The following SETD3 variants were observed in gnomAD, a reference collection of about 807,000 sequenced individuals.
SETD3 encodes SET domain containing 3, actin N3(tau)-histidine methyltransferase, also known as actin-histidine N-methyltransferase.
A neutral mutation model predicts 63.0 loss-of-function variants in SETD3; 19 were observed. The ratio of observed to expected loss-of-function variants is 0.30; its 90% CI spans 0.21 to 0.44. The LOEUF is 0.44. Among genes scored for constraint, SETD3 ranks in the 20% least tolerant of loss-of-function variants. The pLI is 1.00. For synonymous variants in SETD3, 286 were observed against 264.1 expected, an observed-to-expected ratio of 1.08 and a Z score of -0.80; for missense variants, 587 against 728.5, an observed-to-expected ratio of 0.81 and a Z score of 2.24.
chr14:99,404,231 T>A lies in SETD3; in HGVS notation c.1171A>T (p.Thr391Ser). 6.2e-7 allele frequency: 1 copy of A among 1,613,588 alleles called. No individual in the cohort carries two copies. Among genetic ancestry groups the A allele is most frequent in the South Asian group, 1.1e-5 (1 of 91,042 alleles). Residue 391 changes from threonine to serine, a missense_variant, in exon 11 of 13, where the codon ACT becomes TCT. Physicochemically the swap from Thr to Ser is moderately conservative, Grantham distance 58. Coordinates refer to ENST00000331768, the MANE Select transcript of SETD3 (RefSeq NM_032233.3). ...LLAFLRVFCMTEEELKEHLLG... is the reference protein window; with the variant it reads ...LLAFLRVFCMSEEELKEHLLG... ...TTTTCCTGAAATGACTTACCTTCAG[T>A]CATACAGAATACTCGGAGAAAAGCC... is the stretch of plus-strand genomic sequence containing the variant.
intron 11 of SETD3, among the ~76,000 whole-genome samples, chr14:99,403,465 T>TCTCTCTCTCTCTCTCTC (rs1172538994): frequency 7.3e-6 from 1 of 137,504 alleles, no homozygotes; most frequent in Non-Finnish European, 1.5e-5. Context: ...ACTCTCTCTC[T>TCTCTCTCTCTCTCTCTC]CTCTCTCTCT....
chr14:99,468,414 A>T (rs1321084524), intron 1 of SETD3, among the ~76,000 whole-genome samples: 1 of 152,154 alleles, frequency 6.6e-6, no homozygotes, highest in Admixed American at 6.5e-5. Context: ...GTAGGAAATC[A>T]CATTATTTAA....
intron 6 of SETD3, among the ~76,000 whole-genome samples, chr14:99,441,716 G>C (rs1377410614): frequency 6.6e-6 from 1 of 152,220 alleles, no homozygotes; most frequent in Non-Finnish European, 1.5e-5. Context: ...GTGGACTGCA[G>C]TGAGGGAGGA....
intron 2 of SETD3, 57 bp from the exon 3 acceptor site, chr14:99,463,635 G>A: frequency 7.3e-7 from 1 of 1,367,592 alleles, no homozygotes. Flanking sequence ...TAACCTACTA[G>A]TCTGCACAAG....
At position 99,412,945 on chromosome 14, in the gene SETD3, C is replaced by T. The variant is rs775308027; in HGVS notation, c.849+6G>A. On this transcript the variant is annotated splice_donor_region_variant and intron_variant, in intron 8 of 12. Transcript: ENST00000331768. ...TTCAACACAACACAGGGGAAGAGGT[C>T]GTTACCAGGCCGTTGGTGTGGTTAC... is the stretch of plus-strand genomic sequence containing the variant. 4.4e-6 allele frequency: 7 copies of T among 1,586,672 alleles called. No individual in the cohort carries two copies. Among genetic ancestry groups the T allele is most frequent in the South Asian group, 1.1e-5 (1 of 90,490 alleles).
chr14:99,417,560 C>G (rs1284028147), intron 6 of SETD3, among the ~76,000 whole-genome samples: 1 of 152,224 alleles, frequency 6.6e-6, no homozygotes, highest in African/African-American at 2.4e-5. Context: ...CAGACATGCA[C>G]TTAAACTAAA....
intron 6 of SETD3, among the ~76,000 whole-genome samples, chr14:99,422,049 T>G (rs956316837): frequency 6.6e-6 from 1 of 152,070 alleles, no homozygotes; most frequent in Non-Finnish European, 1.5e-5. Context: ...AGACAGTGAG[T>G]CTATTATTTC....
At chr14:99,475,095 T>C (rs550595594) in intron 1 of SETD3, among the ~76,000 whole-genome samples, 8 of 152,306 alleles carry the variant, frequency 5.3e-5, no homozygotes, top group African/African-American at 1.9e-4. Flanking sequence ...TCCTATTATA[T>C]CTTTCTAAAA....
In SETD3 at chr14:99,397,908, A is replaced by C. The variant is rs1891178625; in HGVS notation, c.*771T>G. 1 of 152,618 alleles carries C rather than the reference A, an allele frequency of 6.6e-6. No individual in the cohort carries two copies. Among genetic ancestry groups the C allele is most frequent in the Non-Finnish European group, 1.5e-5 (1 of 68,034 alleles). 9.5% of individuals were successfully genotyped at this position (152,618 alleles called of 1,614,324 possible). A position where few individuals can be genotyped will look rare whatever the true frequency, so the allele number is the denominator to read the frequency against. On this transcript the variant is annotated 3_prime_UTR_variant, in exon 13 of 13. Coordinates refer to ENST00000331768, the MANE Select transcript of SETD3 (RefSeq NM_032233.3). ...TGTGTTTGCAAACTCTCCATTACCA[A>C]GGCTGGAATCAAATGCACCACTTTA...
At chr14:99,472,176 G>C (rs1213540739) in intron 1 of SETD3, among the ~76,000 whole-genome samples, 2 of 152,194 alleles carry the variant, frequency 1.3e-5, no homozygotes, top group South Asian at 2.1e-4. Context: ...CCAAGGATGA[G>C]GCTGGGAAAC....
intron 10 of SETD3, 142 bp downstream of exon 10, chr14:99,405,063 C>T: frequency 8.2e-7 from 1 of 1,212,816 alleles, no homozygotes; most frequent in Non-Finnish European, 1.1e-6. Flanking sequence ...GTCGCCATGG[C>T]TTAAATTTGC....
At chr14:99,438,219 A>G (rs1422249948) in intron 6 of SETD3, among the ~76,000 whole-genome samples, 1 of 152,184 alleles carries the variant, frequency 6.6e-6, no homozygotes, top group Non-Finnish European at 1.5e-5. Context: ...ACATGCTACC[A>G]TGTGTGTGTC....
chr14:99,472,600 A>C (rs1222511753), intron 1 of SETD3, among the ~76,000 whole-genome samples: 6 of 152,252 alleles, frequency 3.9e-5, no homozygotes, highest in Non-Finnish European at 8.8e-5. Flanking sequence ...TTTCCCACAA[A>C]GACCAAATGT....
chr14:99,444,710 A>G (rs1024076531), intron 6 of SETD3, among the ~76,000 whole-genome samples: 4 of 152,012 alleles, frequency 2.6e-5, no homozygotes, highest in Non-Finnish European at 5.9e-5. Flanking sequence ...AAATATAAAA[A>G]TTAGCTGGGC....
Position 99,461,392 on chromosome 14 carries a change from A to G in SETD3, c.197-52T>C, listed in dbSNP as rs751011980. ...AAGAGCTACTTTTAGGACACATATCATTCACACGTCTCTCAGAAAATAAAA... is the reference window on the plus strand; with the variant it reads ...AAGAGCTACTTTTAGGACACATATCGTTCACACGTCTCTCAGAAAATAAAA... On this transcript the variant is annotated intron_variant, in intron 3 of 12. Coordinates refer to ENST00000331768, the MANE Select transcript of SETD3 (RefSeq NM_032233.3). 2.6e-6 allele frequency: 4 copies of G among 1,554,934 alleles called. No homozygotes were observed. The East Asian group carries it at 6.7e-5, about 26-fold the overall frequency.
chr14:99,439,718 ATATG>A (rs1230378789), intron 6 of SETD3, among the ~76,000 whole-genome samples: 2 of 148,122 alleles, frequency 1.4e-5, no homozygotes, highest in Admixed American at 6.8e-5. Context: ...ACATATAAAT[ATATG>A]TATTTATATT....
chr14:99,423,101 T>TATTCAGAATA (rs1892676072), intron 6 of SETD3, among the ~76,000 whole-genome samples: 1 of 152,130 alleles, frequency 6.6e-6, no homozygotes, highest in African/African-American at 2.4e-5. Flanking sequence ...TGTCCCTGGG[T>TATTCAGAATA]TGTTCTAGAT....
chr14:99,465,835 G>T, intron 1 of SETD3, 22 bp from the exon 2 acceptor site: 1 of 1,548,884 alleles, frequency 6.5e-7, no homozygotes, highest in Non-Finnish European at 8.9e-7. Context: ...AGAAAGAAAA[G>T]AGAAAAAAAT....
chr14:99,453,982 A>C (rs1474622232), intron 6 of SETD3, among the ~76,000 whole-genome samples: 1 of 152,192 alleles, frequency 6.6e-6, no homozygotes, highest in East Asian at 1.9e-4. Flanking sequence ...GGCACTTACT[A>C]CACGTAAAGA....
Sources: gnomAD v4.1 joint callset for allele counts (sites outside exome capture counted in the v4.1 genomes callset) on GRCh38, gnomAD v4.1.1 for gene constraint, MANE v1.5 for transcripts, NCBI Gene and HGNC (gene_info 2026-07-23, HGNC 2026-07-21) for gene names.